Variants in TACC2 observed in about 807,000 individuals in gnomAD.
TACC2 encodes the protein transforming acidic coiled-coil-containing protein 2.
A neutral mutation model predicts 227.3 loss-of-function variants in TACC2; 137 were observed. The observed-to-expected ratio is 0.60, with a 90% CI of 0.52 to 0.69. The LOEUF is 0.69. Among genes scored for constraint, TACC2 ranks in the 30% least tolerant of loss-of-function variants. The probability of loss-of-function intolerance (pLI) is 0.00; values close to 1 mark genes in which losing one functional copy is unlikely to be tolerated. For missense variants in TACC2, 3,470 were observed against 3,694.4 expected (o/e 0.94, Z 1.57); for synonymous variants, 1,523 against 1,487.5 (o/e 1.02, Z -0.55).
intron 7 of TACC2, among the ~76,000 whole-genome samples, chr10:122,145,847 C>T (rs963823571): frequency 4.6e-5 from 7 of 152,156 alleles, no homozygotes; most frequent in African/African-American, 1.7e-4. Flanking sequence ...GGCTCTCAAC[C>T]TGTCATAGAA....
intron 2 of TACC2, among the ~76,000 whole-genome samples, chr10:122,035,823 C>G (rs1471014058): frequency 6.6e-6 from 1 of 152,110 alleles, no homozygotes; most frequent in African/African-American, 2.4e-5. Context: ...TTCCCTCCTT[C>G]CTTCCTTCTG....
At chr10:122,170,972 T>G (rs1304795508) in intron 7 of TACC2, among the ~76,000 whole-genome samples, 1 of 152,186 alleles carries the variant, frequency 6.6e-6, no homozygotes, top group Non-Finnish European at 1.5e-5. Flanking sequence ...ACCAGGAGTC[T>G]GCTGCAAGCA....
At chr10:122,007,366 A>G (rs1955309802) in intron 1 of TACC2, among the ~76,000 whole-genome samples, 1 of 151,906 alleles carries the variant, frequency 6.6e-6, no homozygotes, top group South Asian at 2.1e-4. Context: ...AAGGTATTTT[A>G]TATATGCTGA....
intron 7 of TACC2, among the ~76,000 whole-genome samples, chr10:122,189,725 A>G (rs550052599): frequency 1.3e-5 from 2 of 152,350 alleles, no homozygotes; most frequent in South Asian, 4.1e-4. Flanking sequence ...CTTGATAATC[A>G]GGTAACATTC....
intron 2 of TACC2, among the ~76,000 whole-genome samples, chr10:122,046,333 G>A (rs948672276): frequency 2.0e-4 from 31 of 151,894 alleles, no homozygotes; most frequent in African/African-American, 7.5e-4. Context: ...AATTAGCCGG[G>A]CGTGGTGGTG....
chr10:122,057,288 G>GC lies in TACC2; in HGVS notation c.146+6738_146+6739insC, dbSNP rs2076302198. ...GTGAGGCACTGACTGGTGCACTGGA[G>GC]GGGTGGAGGGTGCCGGCTGGAAGGG... is the stretch of plus-strand genomic sequence containing the variant. On this transcript the variant is annotated intron_variant, in intron 3 of 22. Transcript: ENST00000369005. Among the ~76,000 whole-genome samples, 23 of 152,306 alleles carry GC rather than the reference G, an allele frequency of 1.5e-4. No homozygotes were observed. The South Asian group carries it at 3.7e-3, about 25-fold the overall frequency.
chr10:122,119,236 T>C (rs577217380), intron 5 of TACC2, among the ~76,000 whole-genome samples: 1 of 152,366 alleles, frequency 6.6e-6, no homozygotes, highest in South Asian at 2.1e-4. Flanking sequence ...AATGCATTTA[T>C]CTCCATTTTA....
At chr10:122,077,022 C>T (rs112276273) in intron 3 of TACC2, among the ~76,000 whole-genome samples, 6,328 of 149,122 alleles carry the variant, frequency 0.042, 185 homozygotes, top group South Asian at 0.12. Flanking sequence ...GGCTGAGACA[C>T]GAGAATTGCC....
chr10:121,989,758 T>TGG (rs1565010500), intron 1 of TACC2, among the ~76,000 whole-genome samples: 5 of 151,930 alleles, frequency 3.3e-5, no homozygotes, highest in Non-Finnish European at 5.9e-5. Flanking sequence ...AATTTTATTT[T>TGG]TTTTTTTTAT....
intron 1 of TACC2, among the ~76,000 whole-genome samples, chr10:122,008,398 T>A (rs1040660334): frequency 6.6e-6 from 1 of 151,634 alleles, no homozygotes; most frequent in Non-Finnish European, 1.5e-5. Context: ...GTAGCCGGGA[T>A]TACAGGCATG....
chr10:122,133,661 C>T (rs767385409), intron 6 of TACC2, among the ~76,000 whole-genome samples: 3 of 152,206 alleles, frequency 2.0e-5, no homozygotes, highest in Admixed American at 6.5e-5. Context: ...TCCCTTCCCT[C>T]CTGGAACTCA....
chr10:122,200,065 C>T (rs1368376987), intron 8 of TACC2, among the ~76,000 whole-genome samples: 2 of 152,256 alleles, frequency 1.3e-5, no homozygotes, highest in Non-Finnish European at 2.9e-5. Context: ...AGGGCCGAGC[C>T]TTTTCAGGCC....
intron 18 of TACC2, among the ~76,000 whole-genome samples, chr10:122,238,958 T>C (rs182158419): frequency 3.0e-4 from 45 of 152,270 alleles, no homozygotes; most frequent in African/African-American, 1.1e-3. Flanking sequence ...AGAAATATAG[T>C]CACCATGTAT....
intron 7 of TACC2, among the ~76,000 whole-genome samples, chr10:122,159,900 G>A (rs2092716266): frequency 6.6e-6 from 1 of 152,288 alleles, no homozygotes. Context: ...TGAGGCCAGA[G>A]GCAAAGGTGG....
At position 122,194,413 on chromosome 10, in the gene TACC2, G is replaced by A. The variant is rs1009633765; in HGVS notation, c.5835-627G>A. On this transcript the variant is annotated intron_variant, in intron 7 of 22. Transcript: ENST00000369005. The surrounding 1 kb of genome is among the most constrained non-coding windows in gnomAD (Gnocchi z 4.4). ...GTTGGTGGCCGTGCTTTGTGTCTTG[G>A]TCTGATGCACCCTCTGCCTGGCCGG... Among the ~76,000 whole-genome samples the A allele has an allele frequency of 5.9e-5, 9 of 152,182 alleles. No homozygotes were observed. Among genetic ancestry groups the A allele is most frequent in the African/African-American group, 2.2e-4 (9 of 41,440 alleles).
chr10:122,048,731 C>T (rs1361784268), intron 2 of TACC2, among the ~76,000 whole-genome samples: 2 of 152,122 alleles, frequency 1.3e-5, no homozygotes, highest in Non-Finnish European at 2.9e-5. Flanking sequence ...AAGAGTGCCA[C>T]CTTCTGATTT....
At chr10:122,240,775 C>A (rs994866249) in intron 18 of TACC2, among the ~76,000 whole-genome samples, 4 of 152,172 alleles carry the variant, frequency 2.6e-5, no homozygotes, top group Non-Finnish European at 5.9e-5. Flanking sequence ...ACCCCTGATT[C>A]TTTTTGAGAA....
chr10:122,165,670 G>C (rs182076719), intron 7 of TACC2, among the ~76,000 whole-genome samples: 1 of 152,292 alleles, frequency 6.6e-6, no homozygotes, highest in East Asian at 1.9e-4. Flanking sequence ...AGTTGAGTTG[G>C]TCCATATGCC....
rs139299456 is a variant in TACC2 at position 122,188,750 on chromosome 10, C to T, written c.5835-6290C>T. 1.4e-3 allele frequency among the ~76,000 whole-genome samples: 218 copies of T among 152,334 alleles called. 3 individuals carry two copies. Among genetic ancestry groups the T allele is most frequent in the African/African-American group, 4.2e-3 (173 of 41,582 alleles). ...CGATGGTCAGGACGGCGATGGCCAG[C>T]GCCCCGGGAACCCCAGTAACATCAC... On this transcript the variant is annotated intron_variant, in intron 7 of 22. Coordinates refer to ENST00000369005, the MANE Select transcript of TACC2 (RefSeq NM_206862.4).
Sources: gnomAD v4.1 joint callset for allele counts (sites outside exome capture counted in the v4.1 genomes callset) on GRCh38, gnomAD v4.1.1 for gene constraint, Gnocchi (gnomAD v3.1) non-coding constraint, MANE v1.5 for transcripts, NCBI Gene and HGNC (gene_info 2026-07-23, HGNC 2026-07-21) for gene names.